The following SLC8A3 variants were observed in gnomAD, a reference collection of about 807,000 sequenced individuals.
SLC8A3 encodes solute carrier family 8 member A3.
Under a neutral mutation model 65.4 loss-of-function variants are expected in SLC8A3, and 37 were observed. The observed-to-expected ratio is 0.57, with a 90% CI of 0.44 to 0.74. SLC8A3 has a LOEUF of 0.74. Ranked by LOEUF, SLC8A3 falls within the 30% of genes least tolerant of loss-of-function variation. The pLI, the probability that SLC8A3 is intolerant of heterozygous loss-of-function variation, is 0.00. For synonymous variants in SLC8A3, 461 were observed against 444.5 expected, an observed-to-expected ratio of 1.04 and a Z score of -0.47; for missense variants, 1,112 against 1,172.1, an observed-to-expected ratio of 0.95 and a Z score of 0.75.
At chr14:70,163,161 G>A (rs553054157) in intron 2 of SLC8A3, among the ~76,000 whole-genome samples, 9 of 152,172 alleles carry the variant, frequency 5.9e-5, no homozygotes, top group Non-Finnish European at 1.3e-4. Flanking sequence ...CACCATCTAC[G>A]AGAAGGCACT....
chr14:70,109,657 T>G (rs1364229575), intron 2 of SLC8A3, among the ~76,000 whole-genome samples: 1 of 152,046 alleles, frequency 6.6e-6, no homozygotes, highest in Non-Finnish European at 1.5e-5. Context: ...TTTCACCATA[T>G]TGGCCAAGCT....
intron 2 of SLC8A3, among the ~76,000 whole-genome samples, chr14:70,128,340 G>T (rs61977448): frequency 6.6e-6 from 1 of 152,090 alleles, no homozygotes; most frequent in Non-Finnish European, 1.5e-5. Context: ...CTCTGTGGTT[G>T]CTTTATTGCC....
chr14:70,144,989 C>A (rs558601265), intron 2 of SLC8A3, among the ~76,000 whole-genome samples: 5 of 152,190 alleles, frequency 3.3e-5, no homozygotes, highest in Non-Finnish European at 7.3e-5. Flanking sequence ...TATGACAGCC[C>A]AGGCACAGTT....
intron 3 of SLC8A3, among the ~76,000 whole-genome samples, chr14:70,056,776 C>T (rs1888173038): frequency 6.6e-6 from 1 of 152,184 alleles, no homozygotes; most frequent in Non-Finnish European, 1.5e-5. Flanking sequence ...ATGACAAATG[C>T]AAGGTCCCTA....
chr14:70,136,592 T>A (rs1463553664), intron 2 of SLC8A3, among the ~76,000 whole-genome samples: 1 of 152,232 alleles, frequency 6.6e-6, no homozygotes, highest in Non-Finnish European at 1.5e-5. Context: ...CAGCCCTTCA[T>A]GTGTTCCATG....
At chr14:70,056,275 G>A (rs1188643041) in intron 3 of SLC8A3, among the ~76,000 whole-genome samples, 1 of 152,188 alleles carries the variant, frequency 6.6e-6, no homozygotes, top group African/African-American at 2.4e-5. Flanking sequence ...GGGCTTGAAT[G>A]GGAGCTCAAG....
intron 2 of SLC8A3, among the ~76,000 whole-genome samples, chr14:70,076,209 G>A (rs1890502415): frequency 6.6e-6 from 1 of 152,146 alleles, no homozygotes; most frequent in African/African-American, 2.4e-5. Context: ...CTCATGACCA[G>A]GTTCTTTTTA....
intron 2 of SLC8A3, among the ~76,000 whole-genome samples, chr14:70,094,388 T>A (rs1892014990): frequency 6.6e-6 from 1 of 152,230 alleles, no homozygotes; most frequent in Non-Finnish European, 1.5e-5. Context: ...TCCATAAATA[T>A]CAGTTTCCTT....
chr14:70,161,881 T>A (rs1896914711), intron 2 of SLC8A3, among the ~76,000 whole-genome samples: 2 of 152,240 alleles, frequency 1.3e-5, no homozygotes, highest in Non-Finnish European at 2.9e-5. Context: ...AGAGAAAGCA[T>A]CCCTGGAAGG....
intron 2 of SLC8A3, among the ~76,000 whole-genome samples, chr14:70,072,435 T>C (rs992132065): frequency 3.3e-5 from 2 of 60,270 alleles, no homozygotes; most frequent in African/African-American, 1.4e-4. Flanking sequence ...GTAGATGCCT[T>C]TTTTTTTAAG....
chr14:70,084,488 T>C (rs1299088322), intron 2 of SLC8A3, among the ~76,000 whole-genome samples: 1 of 152,190 alleles, frequency 6.6e-6, no homozygotes, highest in African/African-American at 2.4e-5. Flanking sequence ...TTCATGTTTT[T>C]CCTCACACTC....
At chr14:70,171,283 T>C (rs1294504048) in intron 1 of SLC8A3, among the ~76,000 whole-genome samples, 3 of 152,096 alleles carry the variant, frequency 2.0e-5, no homozygotes, top group Admixed American at 6.5e-5. Flanking sequence ...ACATGGAACA[T>C]TGGGATGGTA....
chr14:70,157,574 T>C (rs1265180305), intron 2 of SLC8A3, among the ~76,000 whole-genome samples: 1 of 152,190 alleles, frequency 6.6e-6, no homozygotes, highest in Non-Finnish European at 1.5e-5. Context: ...GCTAGGACTT[T>C]GGGGTACCAT....
chr14:70,085,062 T>C (rs76401082), intron 2 of SLC8A3, among the ~76,000 whole-genome samples: 3,723 of 152,120 alleles, frequency 0.024, 143 homozygotes, highest in African/African-American at 0.085. Flanking sequence ...CATTAGGGGG[T>C]AAAGAAGTTA....
chr14:70,079,219 C>T (rs1890810372), intron 2 of SLC8A3, among the ~76,000 whole-genome samples: 1 of 151,070 alleles, frequency 6.6e-6, no homozygotes, highest in African/African-American at 2.4e-5. Context: ...CACGGTAGCT[C>T]ACACCTGTAA....
rs1897277834 is a variant in SLC8A3, at chr14:70,167,966, T to G, written c.457A>C (p.Ile153Leu). ...ATGAACCCATGACCACACACCTCAA[T>G]TAAAGAGAGGAGTATCTCAGGAGCA... ...SSAPEILLSL[I>L]EVCGHGFIAG... is the part of the protein sequence containing the mutation. Residue 153 changes from isoleucine (I) to leucine (L), a missense_variant, in exon 2 of 7, where the codon ATT becomes CTT. By Grantham distance (5) the Ile-to-Leu change is conservative. Transcript: ENST00000356921. 1.2e-6 allele frequency: 2 copies of G among 1,613,910 alleles called. No homozygotes were observed. Among genetic ancestry groups the G allele is most frequent in the Non-Finnish European group, 1.7e-6 (2 of 1,179,988 alleles).
chr14:70,064,234 A>G (rs1463574046), intron 2 of SLC8A3, among the ~76,000 whole-genome samples: 1 of 152,140 alleles, frequency 6.6e-6, no homozygotes, highest in Non-Finnish European at 1.5e-5. Context: ...TTGGATACAT[A>G]ATTTAACTGA....
At chr14:70,122,678 C>T (rs961720395) in intron 2 of SLC8A3, among the ~76,000 whole-genome samples, 1 of 152,066 alleles carries the variant, frequency 6.6e-6, no homozygotes, top group Non-Finnish European at 1.5e-5. Flanking sequence ...AAACAAACAA[C>T]AACAACAAAC....
chr14:70,119,197 C>CA lies in SLC8A3; in HGVS notation c.1784+47441dup, dbSNP rs1555376640. ...GGGCAAAGAAGCACTCTTTTCCCCC[C>CA]ACCCTGGTGGCAAAAGTACTATACA... On this transcript the variant is annotated intron_variant, in intron 2 of 6. Transcript: ENST00000356921. Among the ~76,000 whole-genome samples, 140 of 151,698 alleles carry CA rather than the reference C, an allele frequency of 9.2e-4. 2 individuals are homozygous for CA. In the South Asian group the frequency reaches 0.028, roughly 30 times the overall value.
Sources: gnomAD v4.1 joint callset for allele counts (sites outside exome capture counted in the v4.1 genomes callset) on GRCh38, gnomAD v4.1.1 for gene constraint, MANE v1.5 for transcripts, NCBI Gene and HGNC (gene_info 2026-07-23, HGNC 2026-07-21) for gene names.